Variants in ESRRG observed in about 807,000 individuals in gnomAD.
ESRRG encodes estrogen-related receptor gamma.
In ESRRG, 13 loss-of-function variants were observed where a neutral mutation model predicts 44.0. The observed-to-expected ratio is 0.30, with a 90% CI of 0.19 to 0.47. ESRRG has a LOEUF of 0.47. Ranked by LOEUF, ESRRG falls within the 20% of genes least tolerant of loss-of-function variation. The probability of loss-of-function intolerance (pLI) is 1.00; values close to 1 mark genes in which losing one functional copy is unlikely to be tolerated. For missense variants in ESRRG, 395 were observed against 580.6 expected, an observed-to-expected ratio of 0.68 and a Z score of 3.29; for synonymous variants, 215 against 214.6, an observed-to-expected ratio of 1.00 and a Z score of -0.02.
In ESRRG at chr1:216,523,508, T is replaced by G. The variant is rs1164966936; in HGVS notation, c.863-4087A>C. 5.9e-5 allele frequency among the ~76,000 whole-genome samples: 9 copies of G among 151,542 alleles called. No individual in the cohort carries two copies. The East Asian group carries it at 1.2e-3, about 20-fold the overall frequency. The stretch of plus-strand genomic sequence containing the variant: ...AAGCACTGTTTTTTTTTTTGTTTTT[T>G]TTTTTTTTTAGCCTGGCAAACTGAT... On this transcript the variant is annotated intron_variant, in intron 5 of 6. Coordinates refer to ENST00000408911, the MANE Select transcript of ESRRG (RefSeq NM_001438.4).
chr1:216,597,321 C>G (rs2058581089), intron 3 of ESRRG, among the ~76,000 whole-genome samples: 1 of 152,020 alleles, frequency 6.6e-6, no homozygotes, highest in Admixed American at 6.6e-5. Context: ...AAAGCATGGG[C>G]TAGACCCTAG....
At chr1:216,917,214 CTGCCAGGTCTACTTAA>C (rs548237355) in intron 2 of ESRRG, among the ~76,000 whole-genome samples, 4 of 146,140 alleles carry the variant, frequency 2.7e-5, no homozygotes, top group African/African-American at 7.6e-5. Flanking sequence ...GAAGTGAAAT[CTGCCAGGTCTACTTAA>C]TGCTTAGGTC....
chr1:216,941,563 G>A (rs1432587925), intron 1 of ESRRG, among the ~76,000 whole-genome samples: 1 of 152,170 alleles, frequency 6.6e-6, no homozygotes, highest in Non-Finnish European at 1.5e-5. Flanking sequence ...ATTCACCTCA[G>A]GAGATTCGGT....
At chr1:216,707,238 T>G (rs962961593) in intron 1 of ESRRG, 13 of 1,111,632 alleles carry the variant, frequency 1.2e-5, no homozygotes, top group Non-Finnish European at 1.6e-5. Flanking sequence ...AAAAGCATTT[T>G]TTTTTCTTTT....
intron 2 of ESRRG, among the ~76,000 whole-genome samples, chr1:216,828,259 T>A (rs2095430345): frequency 6.6e-6 from 1 of 152,220 alleles, no homozygotes; most frequent in South Asian, 2.1e-4. Context: ...GTATATATAT[T>A]CTGCAAATTT....
chr1:216,614,177 C>T (rs894804205), intron 3 of ESRRG, among the ~76,000 whole-genome samples: 1 of 152,216 alleles, frequency 6.6e-6, no homozygotes, highest in African/African-American at 2.4e-5. Context: ...CCACCACTCT[C>T]GGCCTCAGAG....
intron 1 of ESRRG, among the ~76,000 whole-genome samples, chr1:217,057,962 T>C (rs1248216359): frequency 6.6e-6 from 1 of 151,962 alleles, no homozygotes; most frequent in African/African-American, 2.4e-5. Context: ...ATAATGAACA[T>C]AGGCAAAGAA....
intron 1 of ESRRG, among the ~76,000 whole-genome samples, chr1:217,077,244 C>CCACAAT (rs1183376172): frequency 6.6e-6 from 1 of 152,118 alleles, no homozygotes; most frequent in Non-Finnish European, 1.5e-5. Context: ...TCTTAAGAAA[C>CCACAAT]CACAATCCAG....
chr1:216,939,858 C>T (rs958807303), intron 1 of ESRRG, among the ~76,000 whole-genome samples: 1 of 152,166 alleles, frequency 6.6e-6, no homozygotes, highest in African/African-American at 2.4e-5. Context: ...CCTACACATA[C>T]ACTCAGGGCT....
chr1:216,988,381 A>G (rs551309232), intron 1 of ESRRG, among the ~76,000 whole-genome samples: 1 of 152,272 alleles, frequency 6.6e-6, no homozygotes, highest in East Asian at 1.9e-4. Context: ...GATCTCCCAT[A>G]CTTATCAGTT....
In ESRRG at chr1:216,522,869, A is replaced by G. The variant is rs148718718; in HGVS notation, c.863-3448T>C. Among the ~76,000 whole-genome samples, 1,483 of 152,220 alleles carry G rather than the reference A, an allele frequency of 9.7e-3. 10 individuals carry two copies. The highest frequency in any genetic ancestry group is 0.017 in the Non-Finnish European group (1,153 of 67,994). ...TTACACATGCTTGTATCCAAATGAT[A>G]ATTACTTGTTTATGTTTATACCAGG... On this transcript the variant is annotated intron_variant, in intron 5 of 6. Coordinates refer to ENST00000408911, the MANE Select transcript of ESRRG (RefSeq NM_001438.4).
At chr1:216,584,540 G>A (rs1302726436) in intron 3 of ESRRG, among the ~76,000 whole-genome samples, 2 of 152,106 alleles carry the variant, frequency 1.3e-5, no homozygotes, top group Non-Finnish European at 2.9e-5. Context: ...ACAGGCGTGA[G>A]TAACTGTGCC....
intron 3 of ESRRG, among the ~76,000 whole-genome samples, chr1:216,640,716 C>A (rs910592744): frequency 6.6e-6 from 1 of 152,126 alleles, no homozygotes; most frequent in Non-Finnish European, 1.5e-5. Flanking sequence ...AACCATGAAG[C>A]ACTTCATTAA....
intron 1 of ESRRG, among the ~76,000 whole-genome samples, chr1:216,981,226 T>C (rs777293679): frequency 5.3e-5 from 8 of 152,224 alleles, no homozygotes; most frequent in Admixed American, 1.3e-4. Flanking sequence ...CAATAAAATA[T>C]ATGTTGAAAG....
chr1:216,558,730 A>C (rs1299923583), intron 5 of ESRRG, among the ~76,000 whole-genome samples: 1 of 152,180 alleles, frequency 6.6e-6, no homozygotes, highest in East Asian at 1.9e-4. Flanking sequence ...TGACAGCTCA[A>C]GTTTTCTGAT....
chr1:216,963,420 C>G (rs754981947), intron 1 of ESRRG, among the ~76,000 whole-genome samples: 1 of 152,012 alleles, frequency 6.6e-6, no homozygotes, highest in Admixed American at 6.6e-5. Flanking sequence ...TAATTGGGCT[C>G]AAAGTTAATA....
intron 3 of ESRRG, among the ~76,000 whole-genome samples, chr1:216,601,630 G>T (rs1339252195): frequency 2.0e-5 from 3 of 152,142 alleles, no homozygotes; most frequent in Non-Finnish European, 4.4e-5. Flanking sequence ...TTTCAGTGGC[G>T]TATTTCCCAG....
chr1:216,559,382 G>A (rs185275866), intron 5 of ESRRG, among the ~76,000 whole-genome samples: 40 of 152,274 alleles, frequency 2.6e-4, no homozygotes, highest in Non-Finnish European at 5.1e-4. Flanking sequence ...ATAAGTCCAC[G>A]TAAATTGAGT....
chr1:216,789,489 C>T (rs1457390232), intron 2 of ESRRG, among the ~76,000 whole-genome samples: 1 of 152,112 alleles, frequency 6.6e-6, no homozygotes, highest in Non-Finnish European at 1.5e-5. Flanking sequence ...ATAGTATAAG[C>T]ATAACATTTT....
Sources: gnomAD v4.1 joint callset for allele counts (sites outside exome capture counted in the v4.1 genomes callset) on GRCh38, gnomAD v4.1.1 for gene constraint, MANE v1.5 for transcripts, NCBI Gene and HGNC (gene_info 2026-07-23, HGNC 2026-07-21) for gene names.